CLGN: variants seen among roughly 807,000 people sequenced by gnomAD.
The protein encoded by CLGN is calmegin.
A neutral mutation model predicts 79.1 loss-of-function variants in CLGN; 62 were observed. The ratio of observed to expected loss-of-function variants is 0.78; its 90% confidence interval spans 0.64 to 0.97. CLGN has a LOEUF of 0.97. CLGN is among the 50% of genes least tolerant of loss of function. The pLI is 0.00. For missense variants in CLGN, 647 were observed against 715.5 expected (o/e 0.90, Z 1.09); for synonymous variants, 225 against 224.7 (o/e 1.00, Z -0.01).
chr4:140,427,339 G>C (rs566487798), intron 1 of CLGN, among the ~76,000 whole-genome samples, 198 bp downstream of exon 1: 1 of 152,312 alleles, frequency 6.6e-6, no homozygotes, highest in South Asian at 2.1e-4. Flanking sequence ...GGGGCCGCCA[G>C]AGCCCAGTCA....
At chr4:140,403,222 G>A (rs1404266873) in intron 5 of CLGN, among the ~76,000 whole-genome samples, 1 of 152,102 alleles carries the variant, frequency 6.6e-6, no homozygotes, top group African/African-American at 2.4e-5. Flanking sequence ...ACTTACTCTA[G>A]TGACTCCTTG....
In CLGN at chr4:140,400,460, A is replaced by T. The variant is rs1028804903; in HGVS notation, c.591T>A (p.His197Gln). ...EDYKLHFIFR[H>Q]KHPKTGVFEE... ...CGAAAACTCCAGTTTTGGGATGTTT[A>T]TGTCTGAAGATAAAATGAAGTTTAT... Residue 197 changes from histidine to glutamine, a missense_variant, in exon 7 of 15, where the codon CAT (histidine) becomes CAA (glutamine). Coordinates refer to ENST00000325617, the MANE Select transcript of CLGN (RefSeq NM_004362.3). 6.2e-7 allele frequency: 1 copy of T among 1,607,762 alleles called. No individual in the cohort carries two copies. Among genetic ancestry groups the T allele is most frequent in the Non-Finnish European group, 8.5e-7 (1 of 1,174,450 alleles).
At chr4:140,395,676 T>C in intron 10 of CLGN, 143 bp downstream of exon 10, 1 of 545,614 alleles carries the variant, frequency 1.8e-6, no homozygotes, top group Non-Finnish European at 2.9e-6. Flanking sequence ...TTTTAAAATA[T>C]AAATTAGTTG....
intron 1 of CLGN, among the ~76,000 whole-genome samples, chr4:140,419,015 A>G (rs1486667284): frequency 6.6e-6 from 1 of 152,222 alleles, no homozygotes; most frequent in Admixed American, 6.5e-5. Context: ...ATGGAATACT[A>G]TGCAGCCATA....
At chr4:140,395,091 C>T (rs1013633191) in intron 10 of CLGN, among the ~76,000 whole-genome samples, 9 of 151,872 alleles carry the variant, frequency 5.9e-5, no homozygotes, top group Non-Finnish European at 1.3e-4. Context: ...TCAGGAGAAT[C>T]GCCTGAGCCC....
At chr4:140,416,613 A>G (rs1729337781) in intron 1 of CLGN, among the ~76,000 whole-genome samples, 1 of 149,810 alleles carries the variant, frequency 6.7e-6, no homozygotes, top group Admixed American at 6.6e-5. Flanking sequence ...AAATGGATAC[A>G]TTCCTCGACA....
intron 2 of CLGN, among the ~76,000 whole-genome samples, chr4:140,410,878 A>G (rs1729198270): frequency 1.3e-5 from 2 of 152,060 alleles, no homozygotes; most frequent in Admixed American, 1.3e-4. Flanking sequence ...CACAGAAGGA[A>G]CAAAGGGACT....
At position 140,406,266 on chromosome 4, in the gene CLGN, C is replaced by G. The variant is rs565493681; in HGVS notation, c.278-183G>C. On this transcript the variant is annotated intron_variant, in intron 4 of 14. Coordinates refer to ENST00000325617, the MANE Select transcript of CLGN (RefSeq NM_004362.3). ...TGCTCATTTATCTTTTTTTTTCTAT[C>G]AAAGAATGATTTCATCTTCTTAACT... is the stretch of plus-strand genomic sequence containing the variant. Among the ~76,000 whole-genome samples the G allele has an allele frequency of 3.6e-4, 55 of 151,738 alleles. 1 individual carries two copies. Among genetic ancestry groups the G allele is most frequent in the Middle Eastern group, 3.4e-3 (1 of 292 alleles).
At position 140,389,308 on chromosome 4, in the gene CLGN, G is replaced by GA. The variant is rs1560736824; in HGVS notation, c.1753-5dup. ...TGCTCTCATCTGCTTCTTTCATCTA[G>GA]AAAAAATAATTATGAAAAGGTTTCT... is the stretch of plus-strand genomic sequence containing the variant. On this transcript the variant is annotated splice_region_variant and splice_polypyrimidine_tract_variant and intron_variant, in intron 14 of 14. Coordinates refer to ENST00000325617, the MANE Select transcript of CLGN (RefSeq NM_004362.3). 2 of 1,609,254 alleles carry GA rather than the reference G, an allele frequency of 1.2e-6. No homozygotes were observed. The highest frequency in any genetic ancestry group is 3.3e-5 in the Admixed American group (2 of 59,834).
In CLGN at chr4:140,395,979, T is replaced by G; in HGVS notation, c.999-10A>C. On this transcript the variant is annotated splice_polypyrimidine_tract_variant and intron_variant, in intron 9 of 14. Coordinates refer to ENST00000325617, the MANE Select transcript of CLGN (RefSeq NM_004362.3). The stretch of plus-strand genomic sequence containing the variant: ...ATCCGTGTCTTCATTCCTTAGGATA[T>G]TAAAACAAAGCAAATACAGTAACCT... 6.3e-7 allele frequency: 1 copy of G among 1,598,428 alleles called. No individual in the cohort carries two copies. The highest frequency in any genetic ancestry group is 1.7e-4 in the Middle Eastern group (1 of 5,958).
At chr4:140,407,883 C>G (rs144322329) in intron 4 of CLGN, among the ~76,000 whole-genome samples, 84 of 152,086 alleles carry the variant, frequency 5.5e-4, no homozygotes, top group African/African-American at 2.0e-3. Flanking sequence ...CCAAAGTAAT[C>G]CTAAGCAAAA....
At chr4:140,421,352 AT>A (rs201739527) in intron 1 of CLGN, among the ~76,000 whole-genome samples, 12 of 150,880 alleles carry the variant, frequency 8.0e-5, no homozygotes, top group South Asian at 2.1e-4. Context: ...TGATAATTCT[AT>A]TTTTTTTTGA....
At chr4:140,425,287 T>C (rs1051232318) in intron 1 of CLGN, among the ~76,000 whole-genome samples, 1 of 152,182 alleles carries the variant, frequency 6.6e-6, no homozygotes, top group Non-Finnish European at 1.5e-5. Flanking sequence ...ATCTTTCCCC[T>C]TCTGGTTTGA....
rs564090823 is a variant in CLGN at position 140,419,031 on chromosome 4, T to C, written c.-9-5944A>G. On this transcript the variant is annotated intron_variant, in intron 1 of 14. Coordinates refer to ENST00000325617, the MANE Select transcript of CLGN (RefSeq NM_004362.3). ...TGGAATACTATGCAGCCATAAAAAA[T>C]GATGAGTTCATGTCCTTTGTAGGGA... 1.1e-4 allele frequency among the ~76,000 whole-genome samples: 17 copies of C among 152,172 alleles called. No homozygotes were observed. In the East Asian group the frequency reaches 3.3e-3, roughly 29 times the overall value.
intron 5 of CLGN, among the ~76,000 whole-genome samples, chr4:140,403,232 G>C (rs1458029535): frequency 6.6e-6 from 1 of 152,122 alleles, no homozygotes; most frequent in Non-Finnish European, 1.5e-5. Flanking sequence ...GTGACTCCTT[G>C]GGTAACGGCA....
At chr4:140,409,036 A>G (rs187791293) in intron 4 of CLGN, among the ~76,000 whole-genome samples, 20 of 152,122 alleles carry the variant, frequency 1.3e-4, no homozygotes, top group Admixed American at 9.8e-4. Context: ...TTTATCTTAC[A>G]CTAAACAGAA....
Position 140,405,169 on chromosome 4 carries a change from T to A in CLGN, c.419+773A>T, listed in dbSNP as rs796741451. Among the ~76,000 whole-genome samples, 491 of 81,492 alleles carry A rather than the reference T, an allele frequency of 6.0e-3. 6 individuals are homozygous for A. Among genetic ancestry groups the A allele is most frequent in the African/African-American group, 0.015 (452 of 29,222 alleles). The allele number at this position is 81,492 out of a possible 152,430, so 53.5% of individuals were successfully genotyped here. ...TAATATTTTGATAACAAGTAATTTTTTTTATTTTTATTTTTTTTTTTATTT... is the reference window on the plus strand; with the variant it reads ...TAATATTTTGATAACAAGTAATTTTATTTATTTTTATTTTTTTTTTTATTT... On this transcript the variant is annotated intron_variant, in intron 5 of 14. Transcript: ENST00000325617.
intron 4 of CLGN, among the ~76,000 whole-genome samples, chr4:140,407,537 G>A (rs1374036564): frequency 6.8e-6 from 1 of 146,006 alleles, no homozygotes; most frequent in Non-Finnish European, 1.5e-5. Context: ...TAGCAACAAC[G>A]ACCAAACTGA....
Position 140,410,599 on chromosome 4 carries a change from C to A in CLGN, c.172G>T (p.Gly58Ter), listed in dbSNP as rs751268029. ...AAAGTTTCTGCAAAATATACTTCTC[C>A]TATAGGTTGAGGTGTCTTATATTTA... Reference protein sequence around the residue: ...EIKYKTPQPIGEVYFAETFDS... With the variant: ...EIKYKTPQPI The change falls in exon 3 of 15, where the codon GGA becomes TGA. Residue 58 changes from glycine to a stop codon, truncating the protein, a stop_gained. Coordinates refer to ENST00000325617, the MANE Select transcript of CLGN (RefSeq NM_004362.3). LOFTEE classifies it high-confidence loss of function. 1 of 1,601,904 alleles carries A rather than the reference C, an allele frequency of 6.2e-7. No individual in the cohort carries two copies. Among genetic ancestry groups the A allele is most frequent in the South Asian group, 1.1e-5 (1 of 90,680 alleles).
Sources: gnomAD v4.1 joint callset for allele counts (sites outside exome capture counted in the v4.1 genomes callset) on GRCh38, gnomAD v4.1.1 for gene constraint, MANE v1.5 for transcripts, NCBI Gene and HGNC (gene_info 2026-07-23, HGNC 2026-07-21) for gene names.